The following ZFPM2 variants were observed in gnomAD, a reference collection of about 807,000 sequenced individuals.
ZFPM2 encodes the protein zinc finger protein, FOG family member 2.
A neutral mutation model predicts 98.6 loss-of-function variants in ZFPM2; 20 were observed. The ratio of observed to expected loss-of-function variants is 0.20; its 90% CI spans 0.14 to 0.29. The LOEUF (loss-of-function observed/expected upper bound fraction) is 0.29, where lower values mean the gene tolerates loss of function less well. Among genes scored for constraint, ZFPM2 ranks in the 10% least tolerant of loss-of-function variants. ZFPM2 has a pLI of 1.00. For missense variants in ZFPM2, 1,310 were observed against 1,388.6 expected (o/e 0.94, Z 0.90); for synonymous variants, 518 against 502.7 (o/e 1.03, Z -0.41).
intron 1 of ZFPM2, among the ~76,000 whole-genome samples, chr8:105,403,186 C>A (rs1811373544): frequency 6.6e-6 from 1 of 151,970 alleles, no homozygotes; most frequent in South Asian, 2.1e-4. Context: ...CCTGGAAATT[C>A]ATAATTATGT....
At chr8:105,436,717 C>T (rs1161561527) in intron 2 of ZFPM2, among the ~76,000 whole-genome samples, 1 of 152,124 alleles carries the variant, frequency 6.6e-6, no homozygotes, top group Non-Finnish European at 1.5e-5. Flanking sequence ...CACTTACTAG[C>T]AGTGTGCTTG....
At chr8:105,467,064 G>A (rs141246931) in intron 3 of ZFPM2, among the ~76,000 whole-genome samples, 74 of 152,044 alleles carry the variant, frequency 4.9e-4, no homozygotes, top group African/African-American at 1.6e-3. Flanking sequence ...GAGAAACATC[G>A]TATGTATTTC....
intron 6 of ZFPM2, chr8:105,795,873 GGAGAA>G (rs1479103979): frequency 2.4e-6 from 1 of 408,962 alleles, no homozygotes; most frequent in African/African-American, 2.1e-5. Context: ...CATCTTAAGA[GGAGAA>G]TAGATTCTGA....
intron 5 of ZFPM2, among the ~76,000 whole-genome samples, chr8:105,776,772 C>G (rs1366207671): frequency 6.6e-6 from 1 of 152,090 alleles, no homozygotes; most frequent in Non-Finnish European, 1.5e-5. Context: ...GGAAAACTTA[C>G]TAAGTGAATA....
chr8:105,713,118 T>A (rs1032056460), intron 5 of ZFPM2, among the ~76,000 whole-genome samples: 13 of 152,144 alleles, frequency 8.5e-5, no homozygotes, highest in African/African-American at 3.1e-4. Flanking sequence ...CAAACTGCTT[T>A]CTATAGTGAC....
chr8:105,489,278 T>G (rs1211278463), intron 3 of ZFPM2, among the ~76,000 whole-genome samples: 2 of 151,376 alleles, frequency 1.3e-5, no homozygotes, highest in African/African-American at 2.4e-5. Flanking sequence ...TGCCAAATAA[T>G]GTCGGTAATA....
At chr8:105,773,645 T>C (rs1813033983) in intron 5 of ZFPM2, among the ~76,000 whole-genome samples, 1 of 150,624 alleles carries the variant, frequency 6.6e-6, no homozygotes, top group East Asian at 1.9e-4. Context: ...AAAATATCTA[T>C]TTAGAGAAAA....
chr8:105,535,135 G>A (rs1233130437), intron 3 of ZFPM2, among the ~76,000 whole-genome samples: 1 of 152,064 alleles, frequency 6.6e-6, no homozygotes, highest in Non-Finnish European at 1.5e-5. Context: ...CTTTGCCATT[G>A]GCCTCCTTCC....
chr8:105,694,365 C>A (rs1810967652), intron 5 of ZFPM2, among the ~76,000 whole-genome samples: 1 of 151,952 alleles, frequency 6.6e-6, no homozygotes, highest in East Asian at 1.9e-4. Context: ...TTAAGAAATG[C>A]ATAAGTAAAA....
At chr8:105,706,832 G>A (rs1378883138) in intron 5 of ZFPM2, among the ~76,000 whole-genome samples, 7 of 152,012 alleles carry the variant, frequency 4.6e-5, no homozygotes, top group African/African-American at 1.4e-4. Context: ...CACCCGCCTC[G>A]GCCTCCCAAA....
chr8:105,615,662 A>T (rs1256534395), intron 4 of ZFPM2, among the ~76,000 whole-genome samples: 1 of 152,134 alleles, frequency 6.6e-6, no homozygotes, highest in Non-Finnish European at 1.5e-5. Context: ...ACACTGGAGA[A>T]GTCTGTTTCA....
intron 3 of ZFPM2, 116 bp downstream of exon 3, chr8:105,444,497 A>C: frequency 1.7e-6 from 1 of 587,662 alleles, no homozygotes; most frequent in Non-Finnish European, 2.9e-6. Context: ...TGCTGGTTAC[A>C]TGAGAGTTTA....
intron 1 of ZFPM2, among the ~76,000 whole-genome samples, chr8:105,326,204 A>G (rs1812112352): frequency 6.6e-6 from 1 of 151,762 alleles, no homozygotes. Flanking sequence ...AATTCCTACA[A>G]ATATAATAAA....
At chr8:105,513,342 A>G (rs1209608523) in intron 3 of ZFPM2, among the ~76,000 whole-genome samples, 1 of 152,192 alleles carries the variant, frequency 6.6e-6, no homozygotes, top group African/African-American at 2.4e-5. Context: ...TCATTTGCAG[A>G]TAATAGTGGT....
chr8:105,393,788 TA>T (rs1811165235), intron 1 of ZFPM2, among the ~76,000 whole-genome samples: 1 of 152,096 alleles, frequency 6.6e-6, no homozygotes, highest in East Asian at 1.9e-4. Flanking sequence ...GATGTTACAA[TA>T]ATTAAAATAT....
chr8:105,393,612 G>A (rs1240950245), intron 1 of ZFPM2, among the ~76,000 whole-genome samples: 2 of 151,982 alleles, frequency 1.3e-5, no homozygotes, highest in Admixed American at 6.6e-5. Context: ...AATCAGCCAC[G>A]TTCTGTTATA....
intron 1 of ZFPM2, among the ~76,000 whole-genome samples, chr8:105,359,352 T>A (rs567312818): frequency 1.2e-4 from 17 of 143,002 alleles, no homozygotes; most frequent in African/African-American, 4.2e-4. Flanking sequence ...CTTTCTTTTC[T>A]TTTTCTTTTT....
At chr8:105,577,464 T>C (rs1815491852) in intron 4 of ZFPM2, among the ~76,000 whole-genome samples, 1 of 84,192 alleles carries the variant, frequency 1.2e-5, no homozygotes, top group South Asian at 4.4e-4. Flanking sequence ...AATAATCTTA[T>C]GAAGTAAAGC....
intron 5 of ZFPM2, among the ~76,000 whole-genome samples, chr8:105,642,972 C>G (rs1816975322): frequency 6.6e-6 from 1 of 152,138 alleles, no homozygotes; most frequent in African/African-American, 2.4e-5. Context: ...TGAGAATTTA[C>G]AAATGTGACT....
Sources: allele counts gnomAD v4.1 joint callset (sites outside exome capture counted in the v4.1 genomes callset), GRCh38; gene constraint gnomAD v4.1.1; transcripts MANE v1.5; gene names NCBI Gene and HGNC (gene_info 2026-07-23, HGNC 2026-07-21).